Variants in ALDH3B2 observed in about 807,000 individuals in gnomAD.
ALDH3B2 encodes the protein aldehyde dehydrogenase family 3 member B2.
A neutral mutation model predicts 36.7 loss-of-function variants in ALDH3B2; 45 were observed. That is an observed-to-expected ratio of 1.23 (90% CI 0.97 to 1.57). ALDH3B2 has a LOEUF of 1.57. ALDH3B2 is among the 40% of genes most tolerant of loss of function. The probability of loss-of-function intolerance (pLI) is 0.00; values close to 1 mark genes in which losing one functional copy is unlikely to be tolerated. For synonymous variants in ALDH3B2, 217 were observed against 226.5 expected (o/e 0.96, Z 0.38); for missense variants, 464 against 513.3 (o/e 0.90, Z 0.93).
intron 1 of ALDH3B2, among the ~76,000 whole-genome samples, chr11:67,680,006 C>T (rs901882859): frequency 2.0e-5 from 3 of 152,012 alleles, no homozygotes; most frequent in Non-Finnish European, 4.4e-5. Context: ...CTCTTGGCTA[C>T]AATAAGCCTC....
chr11:67,677,632 G>T (rs527958894), upstream of ALDH3B2, among the ~76,000 whole-genome samples: 2 of 152,062 alleles, frequency 1.3e-5, no homozygotes, highest in African/African-American at 4.8e-5. Context: ...AGAAATAGGG[G>T]CATCTGAATC....
At chr11:67,669,935 C>T (rs1313897381) in intron 1 of ALDH3B2, among the ~76,000 whole-genome samples, 10 of 21,996 alleles carry the variant, frequency 4.5e-4, no homozygotes, top group African/African-American at 6.1e-4. Context: ...TGGGTGTCTG[C>T]GTATGGGTGT....
chr11:67,679,426 T>G (rs149746604), upstream of ALDH3B2, among the ~76,000 whole-genome samples: 1,341 of 150,906 alleles, frequency 8.9e-3, 26 homozygotes, highest in African/African-American at 0.031. Context: ...AGCTGAGATC[T>G]CACCGTAGCA....
chr11:67,672,257 C>T (rs376239828), intron 1 of ALDH3B2, among the ~76,000 whole-genome samples: 9 of 150,678 alleles, frequency 6.0e-5, no homozygotes, highest in Middle Eastern at 3.4e-3. Flanking sequence ...AAGCGATTCT[C>T]CTGCCTCAGC....
At chr11:67,678,680 A>G (rs1856313706), upstream of ALDH3B2, among the ~76,000 whole-genome samples, 1 of 142,922 alleles carries the variant, frequency 7.0e-6, no homozygotes, top group African/African-American at 2.5e-5. Context: ...CACACACACT[A>G]TGGTGTATAT....
At chr11:67,667,405 C>T (rs1039053437) in intron 2 of ALDH3B2, 68 bp downstream of exon 2, 6 of 345,640 alleles carry the variant, frequency 1.7e-5, no homozygotes, top group Admixed American at 4.4e-5. Context: ...CTAGGGGGCA[C>T]GGGCCCTCCT....
At chr11:67,679,054 GACA>G (rs1856322041), upstream of ALDH3B2, among the ~76,000 whole-genome samples, 1 of 152,074 alleles carries the variant, frequency 6.6e-6, no homozygotes, top group Non-Finnish European at 1.5e-5. Context: ...AGGGATAAAA[GACA>G]ACAAGTATGG....
chr11:67,665,852 G>T (rs1237444712), intron 6 of ALDH3B2, among the ~76,000 whole-genome samples, 181 bp from the exon 7 acceptor site: 1 of 152,110 alleles, frequency 6.6e-6, no homozygotes, highest in Non-Finnish European at 1.5e-5. Context: ...ACTCTTGCCC[G>T]CTTTCTTCAT....
At chr11:67,677,287 G>A (rs908842209), upstream of ALDH3B2, among the ~76,000 whole-genome samples, 2 of 152,072 alleles carry the variant, frequency 1.3e-5, no homozygotes, top group Non-Finnish European at 2.9e-5. Flanking sequence ...AGAGATGCAG[G>A]GGTGGTTTAA....
At chr11:67,680,890 C>T (rs1856356638) in intron 1 of ALDH3B2, among the ~76,000 whole-genome samples, 1 of 152,198 alleles carries the variant, frequency 6.6e-6, no homozygotes, top group South Asian at 2.1e-4. Flanking sequence ...CACCCTCCCT[C>T]TGGGCCCAGG....
At chr11:67,665,148 A>G (rs1855860295) in intron 7 of ALDH3B2, 137 bp downstream of exon 7, 1 of 1,442,822 alleles carries the variant, frequency 6.9e-7, no homozygotes, top group African/African-American at 1.4e-5. Context: ...TCGTGGCACC[A>G]GAGCCATGGC....
chr11:67,676,674 GAA>G (rs202075508), upstream of ALDH3B2, among the ~76,000 whole-genome samples: 1,348 of 152,084 alleles, frequency 8.9e-3, 25 homozygotes, highest in African/African-American at 0.031. Context: ...CTTGTTCTTT[GAA>G]AAGATAAATA....
chr11:67,670,314 G>C (rs1392467164), intron 1 of ALDH3B2, among the ~76,000 whole-genome samples: 8 of 151,560 alleles, frequency 5.3e-5, no homozygotes, highest in Non-Finnish European at 1.2e-4. Context: ...GTATGGGTGT[G>C]TGTGTCCATG....
At position 67,666,677 on chromosome 11, in the gene ALDH3B2, C is replaced by T. The variant is rs74761791; in HGVS notation, c.48G>A (p.Ser16=). 1.3e-3 allele frequency: 2,108 copies of T among 1,614,118 alleles called. 29 individuals carry two copies. In the African/African-American group the frequency reaches 0.025, roughly 19 times the overall value. The change falls in exon 4 of 10, where the codon TCG becomes TCA. Residue 16 remains serine, a synonymous_variant. Transcript: ENST00000349015. ...CAAAGGGTTCCTTCCAGATGAAGAC[C>T]GAGTCCAGCTTCATGAACTGAGGCA...
upstream of ALDH3B2, among the ~76,000 whole-genome samples, chr11:67,676,227 A>G (rs1248249663): frequency 6.6e-6 from 1 of 152,204 alleles, no homozygotes; most frequent in African/African-American, 2.4e-5. Context: ...AGCCTGGGCA[A>G]CAAGAGAAAA....
chr11:67,678,657 T>A (rs1264791935), upstream of ALDH3B2, among the ~76,000 whole-genome samples: 1 of 148,904 alleles, frequency 6.7e-6, no homozygotes, highest in African/African-American at 2.5e-5. Flanking sequence ...ATATACACTA[T>A]GATATATATA....
At chr11:67,681,114 A>G (rs1393252768) in intron 1 of ALDH3B2, 1 of 152,368 alleles carries the variant, frequency 6.6e-6, no homozygotes, top group Non-Finnish European at 1.5e-5. Context: ...GGTAATTTAT[A>G]AAGGAAAGAG....
chr11:67,663,845 C>A, intron 8 of ALDH3B2, 84 bp from the exon 9 acceptor site: 1 of 1,172,112 alleles, frequency 8.5e-7, no homozygotes, highest in South Asian at 1.5e-5. Flanking sequence ...CGGAGGTGAG[C>A]CTCATCCTCA....
At chr11:67,664,360 G>A in intron 8 of ALDH3B2, 36 bp downstream of exon 8, 1 of 1,612,896 alleles carries the variant, frequency 6.2e-7, no homozygotes, top group African/African-American at 1.3e-5. Context: ...GCCCCTTTCA[G>A]CCCCTCCATT....
Sources: gnomAD v4.1 joint callset for allele counts (sites outside exome capture counted in the v4.1 genomes callset) on GRCh38, gnomAD v4.1.1 for gene constraint, MANE v1.5 for transcripts, NCBI Gene and HGNC (gene_info 2026-07-23, HGNC 2026-07-21) for gene names.